ADGRV1: variants seen among roughly 807,000 people sequenced by gnomAD.
ADGRV1 encodes adhesion G protein-coupled receptor V1, also known as G-protein coupled receptor 98.
ADGRV1 carries 359 observed loss-of-function variants against 596.2 expected under a neutral mutation model. That is an observed-to-expected ratio of 0.60 (90% CI 0.55 to 0.66). ADGRV1 has a LOEUF of 0.66. Ranked by LOEUF, ADGRV1 falls within the 30% of genes least tolerant of loss-of-function variation. The pLI is 0.00. For missense variants in ADGRV1, 7,274 were observed against 7,575.6 expected (o/e 0.96, Z 1.48); for synonymous variants, 2,681 against 2,679.2 (o/e 1.00, Z -0.02).
intron 87 of ADGRV1, among the ~76,000 whole-genome samples, chr5:91,136,059 G>A (rs1158936189): frequency 1.3e-5 from 2 of 152,122 alleles, no homozygotes; most frequent in Non-Finnish European, 1.5e-5. Context: ...GCTTGGAGTG[G>A]GGAATCTGAG....
At chr5:91,116,842 T>C (rs2126724435) in intron 87 of ADGRV1, among the ~76,000 whole-genome samples, 1 of 152,282 alleles carries the variant, frequency 6.6e-6, no homozygotes, top group Admixed American at 6.5e-5. Context: ...GCCACTACCC[T>C]AGGTGGATAA....
intron 70 of ADGRV1, 52 bp from the exon 71 acceptor site, chr5:90,802,687 A>G (rs555840807): frequency 1.3e-6 from 2 of 1,545,876 alleles, no homozygotes; most frequent in East Asian, 4.6e-5. Flanking sequence ...GTCAAAGAAC[A>G]GCATTTTTCT....
intron 21 of ADGRV1, among the ~76,000 whole-genome samples, chr5:90,664,947 A>G (rs1771049312): frequency 6.6e-6 from 1 of 152,090 alleles, no homozygotes; most frequent in African/African-American, 2.4e-5. Flanking sequence ...ACCAGCTTGC[A>G]TCCCAGGGAT....
At chr5:90,635,027 TAC>T in intron 9 of ADGRV1, 85 bp from the exon 10 acceptor site, 1 of 773,820 alleles carries the variant, frequency 1.3e-6, no homozygotes, top group Non-Finnish European at 2.1e-6. Context: ...TACCTACGCT[TAC>T]TTTGTCACCC....
intron 86 of ADGRV1, among the ~76,000 whole-genome samples, chr5:91,091,432 A>G (rs184477259): frequency 4.6e-5 from 7 of 152,296 alleles, no homozygotes; most frequent in Non-Finnish European, 8.8e-5. Flanking sequence ...TAACTGTAGC[A>G]TGTCTTCTTA....
intron 85 of ADGRV1, among the ~76,000 whole-genome samples, chr5:91,002,283 A>G (rs940061312): frequency 6.6e-6 from 1 of 152,152 alleles, no homozygotes; most frequent in African/African-American, 2.4e-5. Flanking sequence ...ACGTCAAAGT[A>G]TTGTGAGTAC....
chr5:90,946,931 G>A lies in ADGRV1; in HGVS notation c.17857-18484G>A, dbSNP rs913319904. Among the ~76,000 whole-genome samples, 30 of 152,124 alleles carry A rather than the reference G, an allele frequency of 2.0e-4. 1 individual carries two copies. Among genetic ancestry groups the A allele is most frequent in the Admixed American group, 1.9e-3 (29 of 15,280 alleles). On this transcript the variant is annotated intron_variant, in intron 83 of 89. Transcript: ENST00000405460. ...ATAGTGCTGCAGTGAACATATGCGTGCATGTATCTTTATAATAGAATGATT... is the reference window on the plus strand; with the variant it reads ...ATAGTGCTGCAGTGAACATATGCGTACATGTATCTTTATAATAGAATGATT...
intron 83 of ADGRV1, among the ~76,000 whole-genome samples, chr5:90,907,892 C>T (rs1772470882): frequency 6.6e-6 from 1 of 152,012 alleles, no homozygotes; most frequent in African/African-American, 2.4e-5. Context: ...ACTGTGTCAC[C>T]CAGGCTGGAG....
At chr5:91,076,818 C>T (rs764729270) in intron 86 of ADGRV1, among the ~76,000 whole-genome samples, 2 of 152,094 alleles carry the variant, frequency 1.3e-5, no homozygotes, top group Non-Finnish European at 2.9e-5. Context: ...CTCCACTTAA[C>T]TCAAATTCAA....
At chr5:90,923,635 T>C (rs999723356) in intron 83 of ADGRV1, among the ~76,000 whole-genome samples, 9 of 152,206 alleles carry the variant, frequency 5.9e-5, no homozygotes, top group Non-Finnish European at 1.0e-4. Context: ...TTGTTCTTTT[T>C]TTTTATTATT....
chr5:90,722,702 CA>C lies in ADGRV1; in HGVS notation c.9748+1648del, dbSNP rs1299059627. Among the ~76,000 whole-genome samples, 5 of 45,876 alleles carry C rather than the reference CA, an allele frequency of 1.1e-4. No homozygotes were observed. The Admixed American group carries it at 1.5e-3, about 14-fold the overall frequency. 30.1% of individuals were successfully genotyped at this position (45,876 alleles called of 152,430 possible). On this transcript the variant is annotated intron_variant, in intron 45 of 89. Coordinates refer to ENST00000405460, the MANE Select transcript of ADGRV1 (RefSeq NM_032119.4). ...TGCACTCCAGCCTGGGCAACAAGAGCAAAAACTCCGTCTCAAAAAAAAAAAA... is the reference window on the plus strand; with the variant it reads ...TGCACTCCAGCCTGGGCAACAAGAGCAAAACTCCGTCTCAAAAAAAAAAAA...
intron 79 of ADGRV1, among the ~76,000 whole-genome samples, chr5:90,851,134 T>TGAGAGAGAGAGA (rs141999531): frequency 1.1e-4 from 9 of 81,510 alleles, no homozygotes; most frequent in Admixed American, 1.9e-4. Flanking sequence ...TGTGTGTGTG[T>TGAGAGAGAGAGA]GAGAGAGAGA....
At chr5:91,018,933 G>A (rs923304602) in intron 85 of ADGRV1, among the ~76,000 whole-genome samples, 5 of 151,820 alleles carry the variant, frequency 3.3e-5, no homozygotes, top group Non-Finnish European at 7.4e-5. Context: ...TATAGAAATC[G>A]GTCATTTCAT....
intron 85 of ADGRV1, among the ~76,000 whole-genome samples, chr5:90,996,061 G>T (rs898095798): frequency 6.6e-6 from 1 of 152,206 alleles, no homozygotes; most frequent in Non-Finnish European, 1.5e-5. Flanking sequence ...TTGCAGCCTG[G>T]CTATGAGGTA....
intron 48 of ADGRV1, among the ~76,000 whole-genome samples, chr5:90,727,149 A>G (rs1166278131): frequency 6.6e-6 from 1 of 152,056 alleles, no homozygotes; most frequent in Non-Finnish European, 1.5e-5. Flanking sequence ...GTGCAGTGCC[A>G]TGATCACAGG....
chr5:91,011,962 C>T (rs750358623), intron 85 of ADGRV1, among the ~76,000 whole-genome samples: 1 of 151,910 alleles, frequency 6.6e-6, no homozygotes, highest in Non-Finnish European at 1.5e-5. Flanking sequence ...CCACCCCTCT[C>T]TTCACGGCCA....
intron 83 of ADGRV1, among the ~76,000 whole-genome samples, chr5:90,881,738 A>C (rs962347831): frequency 7.9e-5 from 12 of 152,184 alleles, no homozygotes; most frequent in Non-Finnish European, 2.9e-5. Flanking sequence ...GGACTTTAAA[A>C]AAAAAATACA....
At chr5:90,623,418 T>C (rs1041729648) in intron 5 of ADGRV1, among the ~76,000 whole-genome samples, 1 of 152,070 alleles carries the variant, frequency 6.6e-6, no homozygotes, top group Admixed American at 6.6e-5. Flanking sequence ...TTTATTTTAT[T>C]TTATTTTTTT....
At chr5:90,809,133 T>A (rs1056394015) in intron 73 of ADGRV1, among the ~76,000 whole-genome samples, 2 of 151,720 alleles carry the variant, frequency 1.3e-5, no homozygotes, top group African/African-American at 4.8e-5. Context: ...ATTTTTTGTA[T>A]TTTTAGTAGA....
Sources: allele counts gnomAD v4.1 joint callset (sites outside exome capture counted in the v4.1 genomes callset), GRCh38; gene constraint gnomAD v4.1.1; transcripts MANE v1.5; gene names NCBI Gene and HGNC (gene_info 2026-07-23, HGNC 2026-07-21).